Variants in MYRFL observed in about 807,000 individuals in gnomAD.
The protein encoded by MYRFL is myelin regulatory factor like.
MYRFL carries 88 observed loss-of-function variants against 109.4 expected under a neutral mutation model. The observed-to-expected ratio is 0.80, with a 90% CI of 0.68 to 0.96. The LOEUF (loss-of-function observed/expected upper bound fraction) is 0.96, where lower values mean the gene tolerates loss of function less well. MYRFL is among the 40% of genes least tolerant of loss of function. The pLI, the probability that MYRFL is intolerant of heterozygous loss-of-function variation, is 0.00. For missense variants in MYRFL, 957 were observed against 954.9 expected, an observed-to-expected ratio of 1.00 and a Z score of -0.03; for synonymous variants, 324 against 320.9, an observed-to-expected ratio of 1.01 and a Z score of -0.10.
chr12:69,849,044 G>A (rs1307527056), intron 1 of MYRFL, among the ~76,000 whole-genome samples: 2 of 152,062 alleles, frequency 1.3e-5, no homozygotes, highest in African/African-American at 4.8e-5. Context: ...GCTAATTTTT[G>A]TATTTTTAGT....
chr12:69,935,349 A>G (rs1250855463), intron 16 of MYRFL, among the ~76,000 whole-genome samples: 2 of 152,190 alleles, frequency 1.3e-5, no homozygotes, highest in African/African-American at 4.8e-5. Flanking sequence ...CTGTAAAGCC[A>G]TCAGCAGACT....
At chr12:69,852,357 A>T (rs1022341178) in intron 1 of MYRFL, among the ~76,000 whole-genome samples, 6 of 151,950 alleles carry the variant, frequency 3.9e-5, no homozygotes, top group Non-Finnish European at 7.4e-5. Context: ...ATATTTAGAT[A>T]TCTTATGCTT....
At chr12:69,920,609 A>G (rs1566025845) in intron 13 of MYRFL, among the ~76,000 whole-genome samples, 1 of 152,138 alleles carries the variant, frequency 6.6e-6, no homozygotes, top group Non-Finnish European at 1.5e-5. Flanking sequence ...AAGTTTAAGG[A>G]AGGTGGGAGC....
intron 13 of MYRFL, among the ~76,000 whole-genome samples, chr12:69,923,310 G>A (rs1250367756): frequency 6.6e-6 from 1 of 152,146 alleles, no homozygotes; most frequent in African/African-American, 2.4e-5. Flanking sequence ...CTCAAAATCT[G>A]GGTCCTTTCA....
At chr12:69,865,495 T>TGG (rs1884965538) in intron 2 of MYRFL, among the ~76,000 whole-genome samples, 1 of 152,124 alleles carries the variant, frequency 6.6e-6, no homozygotes, top group Admixed American at 6.6e-5. Context: ...CTAGTATCTA[T>TGG]GAACCATCTT....
chr12:69,941,858 C>T (rs1955657704), intron 19 of MYRFL, among the ~76,000 whole-genome samples: 1 of 150,846 alleles, frequency 6.6e-6, no homozygotes, highest in African/African-American at 2.4e-5. Flanking sequence ...GGGATATCAC[C>T]ACCGATCCCA....
At chr12:69,885,756 T>G (rs2136335534) in intron 5 of MYRFL, among the ~76,000 whole-genome samples, 1 of 152,292 alleles carries the variant, frequency 6.6e-6, no homozygotes, top group African/African-American at 2.4e-5. Flanking sequence ...TATTTGACCA[T>G]TTTTGACATA....
At chr12:69,864,999 T>C (rs1430322024) in intron 2 of MYRFL, among the ~76,000 whole-genome samples, 5 of 152,208 alleles carry the variant, frequency 3.3e-5, no homozygotes, top group Non-Finnish European at 7.3e-5. Flanking sequence ...GAAAGACCTT[T>C]AGCTGTTTAG....
chr12:69,937,638 A>G (rs10784810), intron 19 of MYRFL, among the ~76,000 whole-genome samples: 19,412 of 152,196 alleles, frequency 0.13, 1,855 homozygotes, highest in East Asian at 0.48. Flanking sequence ...CATTGGCCAA[A>G]GCAAGTCACG....
At chr12:69,842,765 C>T (rs1883319017) in intron 1 of MYRFL, among the ~76,000 whole-genome samples, 1 of 152,158 alleles carries the variant, frequency 6.6e-6, no homozygotes, top group African/African-American at 2.4e-5. Flanking sequence ...CCTACTTAAC[C>T]TTAAAAAGCC....
chr12:69,835,961 C>A (rs1407175750), intron 1 of MYRFL, among the ~76,000 whole-genome samples: 1 of 152,236 alleles, frequency 6.6e-6, no homozygotes, highest in Non-Finnish European at 1.5e-5. Flanking sequence ...CAACTAGACC[C>A]TCTACCTTGT....
intron 15 of MYRFL, 29 bp downstream of exon 15, chr12:69,927,777 AATG>A: frequency 6.7e-7 from 1 of 1,502,536 alleles, no homozygotes; most frequent in Non-Finnish European, 8.8e-7. Flanking sequence ...AATGAAAGGA[AATG>A]ATGTTTTCTA....
At chr12:69,951,152 G>A (rs1955963933) in intron 19 of MYRFL, among the ~76,000 whole-genome samples, 1 of 152,210 alleles carries the variant, frequency 6.6e-6, no homozygotes, top group South Asian at 2.1e-4. Context: ...TTGGAAAGGA[G>A]GGATCTGTGA....
chr12:69,869,729 A>G (rs1377990040), intron 2 of MYRFL, among the ~76,000 whole-genome samples: 1 of 152,222 alleles, frequency 6.6e-6, no homozygotes, highest in African/African-American at 2.4e-5. Flanking sequence ...GGATGGCTCA[A>G]TTGTGAGTAT....
intron 1 of MYRFL, among the ~76,000 whole-genome samples, chr12:69,841,380 T>C (rs1359528990): frequency 2.6e-5 from 4 of 152,206 alleles, no homozygotes; most frequent in Non-Finnish European, 5.9e-5. Flanking sequence ...CATACAGTGA[T>C]GTGGTAAATG....
At chr12:69,942,021 T>G (rs1343746989) in intron 19 of MYRFL, among the ~76,000 whole-genome samples, 10 of 149,844 alleles carry the variant, frequency 6.7e-5, no homozygotes, top group Admixed American at 6.6e-4. Context: ...AATAACAGGA[T>G]CTGAAATTGT....
At chr12:69,938,871 C>A (rs1955549680) in intron 19 of MYRFL, among the ~76,000 whole-genome samples, 1 of 152,144 alleles carries the variant, frequency 6.6e-6, no homozygotes. Flanking sequence ...CGAGGCATTG[C>A]CTCACCCGGG....
At chr12:69,890,441 T>G (rs376661603) in intron 6 of MYRFL, among the ~76,000 whole-genome samples, 6 of 152,274 alleles carry the variant, frequency 3.9e-5, no homozygotes, top group African/African-American at 1.4e-4. Context: ...TGGCAAGAAT[T>G]GTACTTCTGG....
intron 23 of MYRFL, 137 bp from the exon 24 acceptor site, chr12:69,958,112 T>C: frequency 1.4e-5 from 16 of 1,149,066 alleles, no homozygotes; most frequent in Non-Finnish European, 1.8e-5. Flanking sequence ...CTAGGACTGT[T>C]CTAGCAACAC....
Sources: gnomAD v4.1 joint callset for allele counts (sites outside exome capture counted in the v4.1 genomes callset) on GRCh38, gnomAD v4.1.1 for gene constraint, MANE v1.5 for transcripts, NCBI Gene and HGNC (gene_info 2026-07-23, HGNC 2026-07-21) for gene names.